Variants in ADK observed in about 807,000 individuals in gnomAD.
ADK encodes the protein N6,N6-dimethyladenosine kinase.
A neutral mutation model predicts 44.7 loss-of-function variants in ADK; 24 were observed. The ratio of observed to expected loss-of-function variants is 0.54; its 90% CI spans 0.39 to 0.76. The LOEUF (loss-of-function observed/expected upper bound fraction) is 0.76. Among genes scored for constraint, ADK ranks in the 30% least tolerant of loss-of-function variants. ADK has a pLI of 0.00. For missense variants in ADK, 321 were observed against 425.1 expected, an observed-to-expected ratio of 0.76 and a Z score of 2.15; for synonymous variants, 128 against 142.6, an observed-to-expected ratio of 0.90 and a Z score of 0.73.
chr10:74,614,154 G>C (rs1852659025), intron 9 of ADK, among the ~76,000 whole-genome samples: 1 of 152,034 alleles, frequency 6.6e-6, no homozygotes, highest in African/African-American at 2.4e-5. Context: ...GTATCTTTGG[G>C]ATGTGGTTCA....
At chr10:74,356,002 A>ATTTTTT (rs34454856) in intron 4 of ADK, among the ~76,000 whole-genome samples, 2 of 83,308 alleles carry the variant, frequency 2.4e-5, no homozygotes, top group African/African-American at 1.0e-4. Context: ...TAAATAATTC[A>ATTTTTT]TTTTTTTTTT....
intron 6 of ADK, among the ~76,000 whole-genome samples, chr10:74,467,285 T>C (rs1846392448): frequency 6.6e-6 from 1 of 152,154 alleles, no homozygotes; most frequent in South Asian, 2.1e-4. Flanking sequence ...GGTGCAAGCC[T>C]ATATCTAAGA....
In ADK at chr10:74,206,117, AATC is replaced by A. The variant is rs375847044; in HGVS notation, c.140+5282_140+5284del. Among the ~76,000 whole-genome samples the A allele has an allele frequency of 1.3e-3, 194 of 152,332 alleles. 1 individual carries two copies. The highest frequency in any genetic ancestry group is 4.5e-3 in the African/African-American group (187 of 41,570). The stretch of plus-strand genomic sequence containing the variant: ...TAATTCATGGTCACTATTTTAAAAA[AATC>A]ATGATGTATAAAAGTAAAGAGCAAC... On this transcript the variant is annotated intron_variant, in intron 2 of 10. Coordinates refer to ENST00000539909, the MANE Select transcript of ADK (RefSeq NM_006721.4).
intron 3 of ADK, among the ~76,000 whole-genome samples, chr10:74,296,239 TA>T (rs967789465): frequency 6.6e-6 from 1 of 152,058 alleles, no homozygotes; most frequent in African/African-American, 2.4e-5. Flanking sequence ...TACAAACTTG[TA>T]AAAAAATTAT....
chr10:74,528,041 A>G, intron 7 of ADK: 1 of 917,614 alleles, frequency 1.1e-6, no homozygotes. Context: ...AATAAAACCC[A>G]GAGTAAACTC....
intron 4 of ADK, among the ~76,000 whole-genome samples, chr10:74,350,054 C>A (rs948804979): frequency 3.3e-5 from 5 of 152,090 alleles, no homozygotes; most frequent in Admixed American, 1.3e-4. Context: ...CTGGACCAAG[C>A]GGACCTAATA....
chr10:74,195,739 A>G (rs1214322783), intron 1 of ADK, among the ~76,000 whole-genome samples: 2 of 115,316 alleles, frequency 1.7e-5, no homozygotes, highest in Non-Finnish European at 3.4e-5. Context: ...AGGTAGTAGC[A>G]TACTCATGGC....
chr10:74,241,451 T>C (rs1208755749), intron 3 of ADK, among the ~76,000 whole-genome samples: 1 of 152,142 alleles, frequency 6.6e-6, no homozygotes, highest in Non-Finnish European at 1.5e-5. Flanking sequence ...AGTGGCGAGA[T>C]CTCAGCTCAC....
chr10:74,219,327 A>T (rs1045278110), intron 2 of ADK, among the ~76,000 whole-genome samples: 14 of 152,236 alleles, frequency 9.2e-5, no homozygotes, highest in Admixed American at 9.2e-4. Context: ...AACTATCCTA[A>T]ATATATATGC....
At chr10:74,680,677 A>C (rs1855573428) in intron 10 of ADK, among the ~76,000 whole-genome samples, 1 of 152,272 alleles carries the variant, frequency 6.6e-6, no homozygotes. Context: ...CATCAGACAC[A>C]GCATTTCAAA....
intron 3 of ADK, among the ~76,000 whole-genome samples, chr10:74,281,482 C>G (rs1362934101): frequency 6.6e-6 from 1 of 152,178 alleles, no homozygotes; most frequent in Non-Finnish European, 1.5e-5. Context: ...AGTGTAGCTA[C>G]TTTGAAACCG....
intron 7 of ADK, among the ~76,000 whole-genome samples, chr10:74,575,413 T>C (rs1191170307): frequency 6.6e-6 from 1 of 152,176 alleles, no homozygotes; most frequent in African/African-American, 2.4e-5. Flanking sequence ...AGAAAGCCAC[T>C]CCTGGAGGTA....
intron 1 of ADK, among the ~76,000 whole-genome samples, chr10:74,162,989 G>C (rs762078621): frequency 6.7e-6 from 1 of 149,460 alleles, no homozygotes; most frequent in Non-Finnish European, 1.5e-5. Flanking sequence ...TTTTTTTTGA[G>C]ATGAGTCTTG....
chr10:74,560,717 A>G (rs1271980919), intron 7 of ADK, among the ~76,000 whole-genome samples: 1 of 152,226 alleles, frequency 6.6e-6, no homozygotes, highest in Admixed American at 6.5e-5. Flanking sequence ...AAGCATAGCT[A>G]GTAGCATTTC....
intron 1 of ADK, among the ~76,000 whole-genome samples, chr10:74,198,857 T>C (rs1196546283): frequency 6.6e-6 from 1 of 152,214 alleles, no homozygotes; most frequent in Non-Finnish European, 1.5e-5. Context: ...TGTTTGTTTT[T>C]GTTTTGCTTT....
chr10:74,673,942 C>T (rs770693019), intron 10 of ADK, among the ~76,000 whole-genome samples: 6 of 152,152 alleles, frequency 3.9e-5, no homozygotes, highest in Admixed American at 6.5e-5. Flanking sequence ...CGCTTCTCTC[C>T]GATGTCCAAC....
chr10:74,365,977 G>A (rs1186740116), intron 4 of ADK, among the ~76,000 whole-genome samples: 3 of 152,068 alleles, frequency 2.0e-5, no homozygotes, highest in Non-Finnish European at 2.9e-5. Context: ...TAATGATATT[G>A]TAAATGTTTT....
chr10:74,303,657 T>C (rs1284484808), intron 3 of ADK, among the ~76,000 whole-genome samples: 1 of 136,654 alleles, frequency 7.3e-6, no homozygotes, highest in Non-Finnish European at 1.6e-5. Context: ...CACTGATAAA[T>C]TTTCAAAGTC....
intron 6 of ADK, among the ~76,000 whole-genome samples, chr10:74,398,788 G>A (rs1050585026): frequency 6.6e-6 from 1 of 151,786 alleles, no homozygotes; most frequent in Non-Finnish European, 1.5e-5. Context: ...TTATCTTCAG[G>A]TCTACCTATT....
Sources: allele counts gnomAD v4.1 joint callset (sites outside exome capture counted in the v4.1 genomes callset), GRCh38; gene constraint gnomAD v4.1.1; transcripts MANE v1.5; gene names NCBI Gene and HGNC (gene_info 2026-07-23, HGNC 2026-07-21).